Variants in CHAMP1 observed in about 807,000 individuals in gnomAD.
CHAMP1 encodes the protein chromosome alignment maintaining phosphoprotein 1, also known as chromosome alignment-maintaining phosphoprotein 1.
CHAMP1 carries 4 observed loss-of-function variants against 54.5 expected under a neutral mutation model. The observed-to-expected ratio is 0.07, with a 90% CI of 0.04 to 0.17. The LOEUF is 0.17. Ranked by LOEUF, CHAMP1 falls within the 10% of genes least tolerant of loss-of-function variation. CHAMP1 has a pLI of 1.00. For synonymous variants in CHAMP1, 368 were observed against 342.2 expected (o/e 1.08, Z -0.83); for missense variants, 994 against 968.6 (o/e 1.03, Z -0.35).
chr13:114,318,968 A>G (rs1222587266), intron 1 of CHAMP1, among the ~76,000 whole-genome samples: 1 of 142,428 alleles, frequency 7.0e-6, no homozygotes, highest in Non-Finnish European at 1.5e-5. Context: ...GGAATAGTGT[A>G]CTCTGCCCAG....
rs2087253794 is a variant in CHAMP1, at chr13:114,326,514, T to C, written c.*233T>C. ...GTATAGTCCAGATGGATTAAACTTCTCATTTCTTTTAAATATGTATGAATA... is the reference window on the plus strand; with the variant it reads ...GTATAGTCCAGATGGATTAAACTTCCCATTTCTTTTAAATATGTATGAATA... On this transcript the variant is annotated 3_prime_UTR_variant, in exon 3 of 3. Transcript: ENST00000361283. 2.6e-6 allele frequency: 1 copy of C among 392,048 alleles called. No individual in the cohort carries two copies. The highest frequency in any genetic ancestry group is 4.7e-6 in the Non-Finnish European group (1 of 214,604). The allele number at this position is 392,048 out of a possible 1,614,324, so 24.3% of individuals were successfully genotyped here. A position where few individuals can be genotyped will look rare whatever the true frequency, so the allele number is the denominator to read the frequency against.
chr13:114,324,678 G>C lies in CHAMP1; in HGVS notation c.836G>C (p.Arg279Thr). ...GCCCGGACTACCTCCCCTGAGCCAA[G>C]GAAGCCATCCCCTTCAGAGTCTCCT... is the stretch of plus-strand genomic sequence containing the variant. The part of the protein sequence containing the change: ...KSARTTSPEP[R>T]KPSPSESPEP... Residue 279 changes from arginine (R) to threonine (T), a missense_variant, in exon 3 of 3, where the codon AGG becomes ACG. Physicochemically the swap from Arg to Thr is moderately conservative, Grantham distance 71. Transcript: ENST00000361283. 1 of 1,613,930 alleles carries C rather than the reference G, an allele frequency of 6.2e-7. No individual in the cohort carries two copies. The highest frequency in any genetic ancestry group is 8.5e-7 in the Non-Finnish European group (1 of 1,179,952).
chr13:114,325,575 T>G lies in CHAMP1; in HGVS notation c.1733T>G (p.Leu578Arg). The G allele has an allele frequency of 1.2e-6, 2 of 1,614,200 alleles. No individual in the cohort carries two copies. Among genetic ancestry groups the G allele is most frequent in the Non-Finnish European group, 1.7e-6 (2 of 1,180,038 alleles). The change falls in exon 3 of 3, where the codon CTT (leucine) becomes CGT (arginine). Residue 578 changes from leucine to arginine, a missense_variant. Leu to Arg is a moderately radical substitution (Grantham distance 102, BLOSUM62 -2). Around this residue, in one of 3 missense-constraint regions of CHAMP1, gnomAD observed 851 missense variants for 701.3 expected, o/e 1.21. Coordinates refer to ENST00000361283, the MANE Select transcript of CHAMP1 (RefSeq NM_032436.4). ...LFSESQKAVELGDELQIDAID... is the reference protein window; with the variant it reads ...LFSESQKAVERGDELQIDAID... ...TCAGAATCACAGAAGGCTGTTGAGCTTGGTGATGAACTACAAATAGATGCC... is the reference window on the plus strand; with the variant it reads ...TCAGAATCACAGAAGGCTGTTGAGCGTGGTGATGAACTACAAATAGATGCC...
At position 114,325,460 on chromosome 13, in the gene CHAMP1, C is replaced by A. The variant is rs1413552622; in HGVS notation, c.1618C>A (p.Pro540Thr). Residue 540 changes from proline to threonine, a missense_variant, in exon 3 of 3, where the codon CCT becomes ACT. By Grantham distance (38) the Pro-to-Thr change is conservative. Transcript: ENST00000361283. ...TCCCGAGCCTGCCAAAACAGCCCCT[C>A]CTGCTTCTCCAGAAGCACGCAAACG... Reference protein sequence around the residue: ...LFPEPAKTAPPASPEARKRAL... With the variant: ...LFPEPAKTAPTASPEARKRAL... 3 of 1,614,152 alleles carry A rather than the reference C, an allele frequency of 1.9e-6. No homozygotes were observed. Among genetic ancestry groups the A allele is most frequent in the East Asian group, 2.2e-5 (1 of 44,882 alleles).
rs2087071099 is a variant in CHAMP1, at chr13:114,314,577, C to T, written c.-245C>T. The T allele has an allele frequency of 1.3e-5, 2 of 151,838 alleles. No individual in the cohort carries two copies. Among genetic ancestry groups the T allele is most frequent in the South Asian group, 4.1e-4 (2 of 4,836 alleles). 9.4% of individuals were successfully genotyped at this position (151,838 alleles called of 1,614,324 possible). A position where few individuals can be genotyped will look rare whatever the true frequency, so the allele number is the denominator to read the frequency against. On this transcript the variant is annotated 5_prime_UTR_variant, in exon 1 of 3. Transcript: ENST00000361283. Reference sequence around the variant, plus strand: ...TGCGCTGCAGGGCCTCGCGGAGCCGCCCGCGACCGCGAGCCGGGCCCTCCG... The same window carrying T: ...TGCGCTGCAGGGCCTCGCGGAGCCGTCCGCGACCGCGAGCCGGGCCCTCCG...
chr13:114,318,371 G>A (rs2087123674), intron 1 of CHAMP1, among the ~76,000 whole-genome samples: 1 of 150,208 alleles, frequency 6.7e-6, no homozygotes. Context: ...CATCTAGGCT[G>A]GAGTGTAATG....
chr13:114,320,722 C>T (rs558422517), intron 1 of CHAMP1, among the ~76,000 whole-genome samples: 15 of 152,054 alleles, frequency 9.9e-5, no homozygotes, highest in Admixed American at 6.5e-4. Context: ...TTTGGGAGGC[C>T]GAGGCGGGCG....
At position 114,324,697 on chromosome 13, in the gene CHAMP1, G is replaced by A. The variant is rs782743126; in HGVS notation, c.855G>A (p.Glu285=). The change falls in exon 3 of 3, where the codon GAG becomes GAA. Residue 285 remains glutamate, a synonymous_variant. Transcript: ENST00000361283. ...AGCCAAGGAAGCCATCCCCTTCAGA[G>A]TCTCCTGAACCTTGGAAGCCGTTCC... is the stretch of plus-strand genomic sequence containing the variant. ...SPEPRKPSPS[E]SPEPWKPFPA... 1.2e-6 allele frequency: 2 copies of A among 1,613,832 alleles called. No individual in the cohort carries two copies. Among genetic ancestry groups the A allele is most frequent in the Non-Finnish European group, 1.7e-6 (2 of 1,179,876 alleles).
At chr13:114,322,672 C>T (rs782018252) in intron 2 of CHAMP1, 54 of 152,196 alleles carry the variant, frequency 3.5e-4, no homozygotes, top group Admixed American at 2.7e-3. Context: ...GAAATACCCT[C>T]ACATGCACAG....
At position 114,326,696 on chromosome 13, in the gene CHAMP1, T is replaced by C. The variant is rs1200085265; in HGVS notation, c.*415T>C. The C allele has an allele frequency of 5.9e-6, 1 of 168,766 alleles. No individual in the cohort carries two copies. The highest frequency in any genetic ancestry group is 1.4e-5 in the Non-Finnish European group (1 of 69,702). 10.5% of individuals were successfully genotyped at this position (168,766 alleles called of 1,614,324 possible). ...AGGCATGAAAAATAAATTTGAGAAA[T>C]TTTGTTTCCTTACATGTATTTTTAA... On this transcript the variant is annotated 3_prime_UTR_variant, in exon 3 of 3. Transcript: ENST00000361283.
intron 1 of CHAMP1, among the ~76,000 whole-genome samples, chr13:114,317,464 G>GA (rs1221817757): frequency 6.7e-5 from 10 of 149,762 alleles, no homozygotes; most frequent in African/African-American, 9.8e-5. Flanking sequence ...CATCGCTACA[G>GA]AAAAAAAAAA....
intron 2 of CHAMP1, chr13:114,323,225 A>T (rs782674334): frequency 6.6e-6 from 1 of 152,278 alleles, no homozygotes; most frequent in African/African-American, 2.4e-5. Flanking sequence ...AGAATACTAT[A>T]TTGGGATAGA....
rs372290741 is a variant in CHAMP1, at chr13:114,325,609, T to G, written c.1767T>G (p.Asp589Glu). The change falls in exon 3 of 3, where the codon GAT (aspartate) becomes GAG (glutamate). Residue 589 changes from aspartate (D) to glutamate (E), a missense_variant. Physicochemically the swap from Asp to Glu is conservative, Grantham distance 45. Coordinates refer to ENST00000361283, the MANE Select transcript of CHAMP1 (RefSeq NM_032436.4). ...AACTACAAATAGATGCCATAGATGA[T>G]CAAAAATGTGATATTTTGGTTCAGG... ...GDELQIDAID[D>E]QKCDILVQEE... 6 of 1,614,096 alleles carry G rather than the reference T, an allele frequency of 3.7e-6. No homozygotes were observed. In the African/African-American group the frequency reaches 8.0e-5, roughly 22 times the overall value.
chr13:114,325,196 T>TCTC lies in CHAMP1; in HGVS notation c.1357_1359dup (p.Pro453dup), dbSNP rs782157659. Reference sequence around the variant, plus strand: ...AGGGTCACCAGATCTTTGGAAGCTTTCTCCTGATCAGCGGAAAACTTCTCC... The same window carrying TCTC: ...AGGGTCACCAGATCTTTGGAAGCTTTCTCCTCCTGATCAGCGGAAAACTTCTCC... On this transcript the variant is annotated inframe_insertion, in exon 3 of 3. Coordinates refer to ENST00000361283, the MANE Select transcript of CHAMP1 (RefSeq NM_032436.4). 5 of 1,614,136 alleles carry TCTC rather than the reference T, an allele frequency of 3.1e-6. No homozygotes were observed. Among genetic ancestry groups the TCTC allele is most frequent in the Non-Finnish European group, 4.2e-6 (5 of 1,180,010 alleles).
In CHAMP1 at chr13:114,324,644, C is replaced by T. The variant is rs369502546; in HGVS notation, c.802C>T (p.Arg268Trp). 1.1e-5 allele frequency: 17 copies of T among 1,613,958 alleles called. No homozygotes were observed. The highest frequency in any genetic ancestry group is 5.3e-5 in the African/African-American group (4 of 74,908). Residue 268 changes from arginine (R) to tryptophan (W), a missense_variant, in exon 3 of 3, where the codon CGG becomes TGG. Coordinates refer to ENST00000361283, the MANE Select transcript of CHAMP1 (RefSeq NM_032436.4). The part of the protein sequence containing the change: ...GPSPAASPES[R>W]KSARTTSPEP... ...ATCCCCAGCTGCATCTCCAGAATCT[C>T]GGAAGTCAGCCCGGACTACCTCCCC...
rs1405856923 is a variant in CHAMP1 at position 114,323,950 on chromosome 13, C to G, written c.108C>G (p.Ile36Met). The change falls in exon 3 of 3, where the codon ATC becomes ATG. Residue 36 changes from isoleucine (I) to methionine (M), a missense_variant. Coordinates refer to ENST00000361283, the MANE Select transcript of CHAMP1 (RefSeq NM_032436.4). ...YENVQIHMGT[I>M]HPEFCDEMDA... ...ATGTACAAATCCATATGGGTACCAT[C>G]CATCCAGAATTTTGTGATGAAATGG... is the stretch of plus-strand genomic sequence containing the variant. 2 of 1,614,184 alleles carry G rather than the reference C, an allele frequency of 1.2e-6. No individual in the cohort carries two copies. The highest frequency in any genetic ancestry group is 1.3e-5 in the African/African-American group (1 of 75,050).
At chr13:114,321,030 A>T (rs1251995200) in intron 1 of CHAMP1, 80 bp from the exon 2 acceptor site, 1 of 149,944 alleles carries the variant, frequency 6.7e-6, no homozygotes, top group Non-Finnish European at 1.5e-5. Context: ...AGAGAAATAC[A>T]CAGAATTCCA....
At position 114,327,124 on chromosome 13, in the gene CHAMP1, A is replaced by G. The variant is rs1555380120; in HGVS notation, c.*843A>G. On this transcript the variant is annotated 3_prime_UTR_variant, in exon 3 of 3. Coordinates refer to ENST00000361283, the MANE Select transcript of CHAMP1 (RefSeq NM_032436.4). ...ATGTCGCCTGTTGGGGCTTAAGACC[A>G]GGTTGATAAGTAGGAACTGAAAGTC... 6.0e-6 allele frequency: 1 copy of G among 166,824 alleles called. No homozygotes were observed. The highest frequency in any genetic ancestry group is 6.6e-5 in the Admixed American group (1 of 15,208). The allele number at this position is 166,824 out of a possible 1,614,324, so 10.3% of individuals were successfully genotyped here.
rs1349538461 is a variant in CHAMP1, at chr13:114,326,960, C to G, written c.*679C>G. On this transcript the variant is annotated 3_prime_UTR_variant, in exon 3 of 3. Coordinates refer to ENST00000361283, the MANE Select transcript of CHAMP1 (RefSeq NM_032436.4). ...CCATAGTTGTTTTCAGTGGAGTCTT[C>G]CATTCTGTATCTTACCCTAAGATCT... 3 of 166,588 alleles carry G rather than the reference C, an allele frequency of 1.8e-5. No individual in the cohort carries two copies. The highest frequency in any genetic ancestry group is 4.4e-5 in the Non-Finnish European group (3 of 68,098). The allele number at this position is 166,588 out of a possible 1,614,324, so 10.3% of individuals were successfully genotyped here. A position where few individuals can be genotyped will look rare whatever the true frequency, so the allele number is the denominator to read the frequency against.
Sources: gnomAD v4.1 joint callset for allele counts (sites outside exome capture counted in the v4.1 genomes callset) on GRCh38, gnomAD v4.1.1 for gene constraint, gnomAD v4.1.1 regional missense constraint, MANE v1.5 for transcripts, NCBI Gene and HGNC (gene_info 2026-07-23, HGNC 2026-07-21) for gene names.